Variants in FMO5 observed in about 807,000 individuals in gnomAD.
FMO5 encodes the protein flavin containing dimethylaniline monoxygenase 5.
FMO5 carries 51 observed loss-of-function variants against 43.6 expected under a neutral mutation model. The observed-to-expected ratio is 1.17, with a 90% CI of 0.93 to 1.48. The LOEUF (loss-of-function observed/expected upper bound fraction) is 1.48. Among genes scored for constraint, FMO5 ranks in the 40% most tolerant of loss-of-function variants. FMO5 has a pLI of 0.00. For missense variants in FMO5, 644 were observed against 643.0 expected (o/e 1.00, Z -0.02); for synonymous variants, 187 against 216.5 (o/e 0.86, Z 1.20).
intron 2 of FMO5, among the ~76,000 whole-genome samples, chr1:147,217,233 C>T (rs1553925221): frequency 6.0e-5 from 2 of 33,526 alleles, no homozygotes; most frequent in Non-Finnish European, 1.3e-4. Flanking sequence ...GAGCAAAACT[C>T]CGTCTACAAA....
Position 147,204,903 on chromosome 1 carries a change from G to A in FMO5, c.831-3399C>T, listed in dbSNP as rs1415838463. 1.0e-5 allele frequency: 16 copies of A among 1,580,820 alleles called. No individual in the cohort carries two copies. In the Admixed American group the frequency reaches 2.7e-4, roughly 26 times the overall value. On this transcript the variant is annotated intron_variant, in intron 6 of 8. Transcript: ENST00000254090. Reference sequence around the variant, plus strand: ...CTCCCTCCTTGAGCATCTGGGCGAAGCCCGGAGCCTTGGGAACTTGAAGCG... The same window carrying A: ...CTCCCTCCTTGAGCATCTGGGCGAAACCCGGAGCCTTGGGAACTTGAAGCG...
In FMO5 at chr1:147,190,225, C is replaced by T. The variant is rs1469332068; in HGVS notation, c.1208G>A (p.Ser403Asn). The change falls in exon 8 of 9, where the codon AGT becomes AAT. Residue 403 changes from serine to asparagine, a missense_variant. Coordinates refer to ENST00000254090, the MANE Select transcript of FMO5 (RefSeq NM_001461.4). ...FKGLKTLPSQ[S>N]EMMAEISKAQ... ...TTTAGATATTTCTGCCATCATTTCACTCTGTGAGGGCAATGTCTTTAGACC... is the reference window on the plus strand; with the variant it reads ...TTTAGATATTTCTGCCATCATTTCATTCTGTGAGGGCAATGTCTTTAGACC... 4 of 1,611,204 alleles carry T rather than the reference C, an allele frequency of 2.5e-6. No homozygotes were observed. The highest frequency in any genetic ancestry group is 1.3e-5 in the African/African-American group (1 of 74,728).
downstream of FMO5, among the ~76,000 whole-genome samples, chr1:147,185,548 G>A (rs1054301647): frequency 9.9e-5 from 15 of 152,166 alleles, no homozygotes; most frequent in African/African-American, 2.6e-4. Flanking sequence ...TGAAAGGGCC[G>A]GCAATTGTTC....
intron 5 of FMO5, among the ~76,000 whole-genome samples, chr1:147,209,437 C>CAAG (rs1553923338): frequency 9.1e-6 from 1 of 109,900 alleles, no homozygotes; most frequent in East Asian, 2.6e-4. Flanking sequence ...GACTCCGTCT[C>CAAG]AAAAAAAAAA....
chr1:147,212,584 T>A, intron 4 of FMO5, 49 bp from the exon 5 acceptor site: 2 of 1,542,690 alleles, frequency 1.3e-6, no homozygotes, highest in Non-Finnish European at 8.8e-7. Context: ...ACATGATAGA[T>A]ATCATTTGTC....
chr1:147,184,458 G>A (rs1373613900), downstream of FMO5: 8 of 1,390,158 alleles, frequency 5.8e-6, no homozygotes, highest in Non-Finnish European at 7.5e-6. This position sits in a 1 kb window ranked among gnomAD's most constrained non-coding sequence, Gnocchi z 4.4. Context: ...TCTGTTGCAG[G>A]AGTCCATCCA....
At chr1:147,188,608 A>C (rs976418960) in intron 8 of FMO5, among the ~76,000 whole-genome samples, 1 of 151,484 alleles carries the variant, frequency 6.6e-6, no homozygotes, top group Non-Finnish European at 1.5e-5. Context: ...GATTATGCAG[A>C]TTAAATAAAC....
In FMO5 at chr1:147,208,986, A is replaced by G. The variant is rs1416401958; in HGVS notation, c.696T>C (p.Ala232=). The change falls in exon 6 of 9, where the codon GCT becomes GCC. Residue 232 remains alanine (A), a synonymous_variant. Transcript: ENST00000254090. ...LNRVGDYGYP[A]DVLFSSRLTH... is the part of the protein sequence containing the mutation. ...TAAGTCGAGAAGAGAACAACACATC[A>G]GCAGGATATCCGTAGTCCCCTACAC... is the stretch of plus-strand genomic sequence containing the variant. 5 of 1,613,924 alleles carry G rather than the reference A, an allele frequency of 3.1e-6. No homozygotes were observed. The highest frequency in any genetic ancestry group is 3.4e-6 in the Non-Finnish European group (4 of 1,179,950).
Position 147,201,292 on chromosome 1 carries a change from T to C in FMO5, c.1043A>G (p.Asn348Ser). The C allele has an allele frequency of 1.2e-6, 2 of 1,614,146 alleles. No individual in the cohort carries two copies. Among genetic ancestry groups the C allele is most frequent in the South Asian group, 2.2e-5 (2 of 91,082 alleles). Residue 348 changes from asparagine to serine, a missense_variant, in exon 7 of 9, where the codon AAC becomes AGC. Coordinates refer to ENST00000254090, the MANE Select transcript of FMO5 (RefSeq NM_001461.4). The stretch of plus-strand genomic sequence containing the variant: ...GACCTTTTTATACAGGGATATCTTG[T>C]TTTTGACCACTTTGACGGAATCTTC... Reference protein sequence around the residue: ...FLEDSVKVVKNKISLYKKVFP... With the variant: ...FLEDSVKVVKSKISLYKKVFP...
intron 5 of FMO5, among the ~76,000 whole-genome samples, chr1:147,211,747 A>C (rs1661096676): frequency 6.6e-6 from 1 of 152,182 alleles, no homozygotes; most frequent in Non-Finnish European, 1.5e-5. Context: ...CTATACAAAA[A>C]CCAAAACAAA....
At chr1:147,208,732 C>T (rs188783192) in intron 6 of FMO5, 120 bp downstream of exon 6, 1,910 of 788,478 alleles carry the variant, frequency 2.4e-3, no homozygotes, top group Non-Finnish European at 3.1e-3. Context: ...AGCCACCATG[C>T]CCAGCCACTG....
chr1:147,215,634 A>G, intron 3 of FMO5, 120 bp downstream of exon 3: 1 of 659,946 alleles, frequency 1.5e-6, no homozygotes, highest in Non-Finnish European at 2.5e-6. Context: ...TTGCCTGGGT[A>G]GGATAAATAC....
At chr1:147,201,086 C>T (rs1434662273) in intron 7 of FMO5, 66 bp downstream of exon 7, 2 of 1,150,760 alleles carry the variant, frequency 1.7e-6, no homozygotes, top group South Asian at 1.5e-5. Flanking sequence ...TATTTAAAAA[C>T]AAGTACCTAA....
intron 7 of FMO5, among the ~76,000 whole-genome samples, chr1:147,198,451 G>A (rs981599675): frequency 1.3e-5 from 2 of 152,136 alleles, no homozygotes; most frequent in African/African-American, 4.8e-5. Context: ...AAGCACAGTG[G>A]AAGCAAAAGC....
intron 6 of FMO5, chr1:147,204,330 G>A (rs915629463): frequency 1.1e-5 from 11 of 965,902 alleles, no homozygotes; most frequent in East Asian, 4.8e-5. Context: ...AAACTCTGAT[G>A]TTATCAACTT....
intron 6 of FMO5, among the ~76,000 whole-genome samples, chr1:147,206,360 G>T (rs1235173725): frequency 6.6e-6 from 1 of 152,070 alleles, no homozygotes; most frequent in Non-Finnish European, 1.5e-5. Context: ...ACAGTGTGGC[G>T]ATTCCTCAAA....
upstream of FMO5, chr1:147,225,482 G>A (rs1410915410): frequency 6.0e-6 from 1 of 165,476 alleles, no homozygotes; most frequent in Non-Finnish European, 1.3e-5. Flanking sequence ...CCCTCGATGG[G>A]AATAAAACGT....
intron 6 of FMO5, among the ~76,000 whole-genome samples, chr1:147,206,178 A>G (rs1467770795): frequency 6.6e-6 from 1 of 150,668 alleles, no homozygotes; most frequent in Admixed American, 6.6e-5. Flanking sequence ...GCTCATCATC[A>G]CTGGCCATCA....
upstream of FMO5, chr1:147,225,411 T>C (rs1663876672): frequency 5.2e-6 from 1 of 193,046 alleles, no homozygotes; most frequent in Non-Finnish European, 1.1e-5. Flanking sequence ...GGAGGGGCTG[T>C]AGCACTCCAC....
Sources: allele counts gnomAD v4.1 joint callset (sites outside exome capture counted in the v4.1 genomes callset), GRCh38; gene constraint gnomAD v4.1.1; non-coding constraint Gnocchi (gnomAD v3.1); transcripts MANE v1.5; gene names NCBI Gene and HGNC (gene_info 2026-07-23, HGNC 2026-07-21).